Variants in FER observed in about 807,000 individuals in gnomAD.
FER encodes the protein tyrosine-protein kinase Fer.
In FER, 63 loss-of-function variants were observed where a neutral mutation model predicts 111.0. That is an observed-to-expected ratio of 0.57 (90% CI 0.46 to 0.70). The LOEUF (loss-of-function observed/expected upper bound fraction) is 0.70. Ranked by LOEUF, FER falls within the 30% of genes least tolerant of loss-of-function variation. The pLI, the probability that FER is intolerant of heterozygous loss-of-function variation, is 0.00. For synonymous variants in FER, 327 were observed against 313.9 expected, an observed-to-expected ratio of 1.04 and a Z score of -0.44; for missense variants, 914 against 954.0, an observed-to-expected ratio of 0.96 and a Z score of 0.55.
chr5:108,755,989 TA>T (rs1235152620), intron 1 of FER, among the ~76,000 whole-genome samples: 4 of 149,370 alleles, frequency 2.7e-5, no homozygotes, highest in African/African-American at 9.8e-5. Flanking sequence ...CTGTCTTTAC[TA>T]AAAAAATACA....
chr5:108,955,279 A>G (rs2149656399), intron 12 of FER, among the ~76,000 whole-genome samples: 1 of 151,906 alleles, frequency 6.6e-6, no homozygotes, highest in East Asian at 1.9e-4. Context: ...AAGTTTATGA[A>G]ACTTATACTT....
At chr5:108,755,203 A>G (rs1333137845) in intron 1 of FER, among the ~76,000 whole-genome samples, 1 of 152,220 alleles carries the variant, frequency 6.6e-6, no homozygotes. Flanking sequence ...TGCCCCTTGT[A>G]TCCTATAGTT....
At chr5:108,753,998 G>A (rs1034199396) in intron 1 of FER, among the ~76,000 whole-genome samples, 3 of 152,074 alleles carry the variant, frequency 2.0e-5, no homozygotes, top group Non-Finnish European at 2.9e-5. Context: ...TCTAGCATGC[G>A]AGCTCTAATT....
chr5:109,050,167 C>G (rs1054673281), intron 16 of FER, among the ~76,000 whole-genome samples: 10 of 151,786 alleles, frequency 6.6e-5, no homozygotes, highest in Non-Finnish European at 8.8e-5. Context: ...AAAGGAAATT[C>G]ATTTCAGTAA....
At chr5:108,822,338 A>G (rs192533961) in intron 3 of FER, among the ~76,000 whole-genome samples, 50 of 152,336 alleles carry the variant, frequency 3.3e-4, no homozygotes, top group African/African-American at 1.2e-3. Flanking sequence ...TTCTGTTGGT[A>G]TAATAGAATT....
At chr5:108,798,057 C>CTT (rs11406674) in intron 2 of FER, 67 bp from the exon 3 acceptor site, 8,003 of 479,826 alleles carry the variant, frequency 0.017, 91 homozygotes, top group African/African-American at 0.068. Flanking sequence ...TCTATCATAA[C>CTT]TTTTTTTTTT....
At chr5:109,149,945 G>A (rs1447304631) in intron 17 of FER, among the ~76,000 whole-genome samples, 2 of 152,158 alleles carry the variant, frequency 1.3e-5, no homozygotes, top group African/African-American at 4.8e-5. Context: ...TGTCAAATCA[G>A]CAACGCATTA....
intron 17 of FER, among the ~76,000 whole-genome samples, chr5:109,135,849 C>T (rs116169183): frequency 0.017 from 2,655 of 152,218 alleles, 52 homozygotes; most frequent in Non-Finnish European, 0.022. Context: ...TAATAACCAG[C>T]GCTCAAAAAC....
intron 17 of FER, among the ~76,000 whole-genome samples, chr5:109,173,275 C>G (rs1561989867): frequency 6.6e-6 from 1 of 152,168 alleles, no homozygotes; most frequent in Admixed American, 6.5e-5. Context: ...CTGTGTCAGG[C>G]AACAACTTGG....
At chr5:108,992,832 G>C (rs574458144) in intron 13 of FER, among the ~76,000 whole-genome samples, 1 of 149,624 alleles carries the variant, frequency 6.7e-6, no homozygotes, top group Non-Finnish European at 1.5e-5. Context: ...CAGGGCGGCC[G>C]GGCAGAGACA....
At chr5:109,105,942 GCGGT>G (rs1207785623) in intron 17 of FER, among the ~76,000 whole-genome samples, 2 of 152,184 alleles carry the variant, frequency 1.3e-5, no homozygotes, top group Non-Finnish European at 2.9e-5. Context: ...CAAAACAATA[GCGGT>G]ACTATTGTTT....
At chr5:108,864,106 C>G (rs1341083166) in intron 5 of FER, among the ~76,000 whole-genome samples, 1 of 152,148 alleles carries the variant, frequency 6.6e-6, no homozygotes, top group Non-Finnish European at 1.5e-5. Flanking sequence ...TTGTTAAAAA[C>G]TTGGACAGTT....
In FER at chr5:109,086,436, C is replaced by T. The variant is rs545809829; in HGVS notation, c.1925-13960C>T. Among the ~76,000 whole-genome samples, 9 of 151,688 alleles carry T rather than the reference C, an allele frequency of 5.9e-5. No homozygotes were observed. In the South Asian group the frequency reaches 1.0e-3, roughly 18 times the overall value. On this transcript the variant is annotated intron_variant, in intron 16 of 19. Transcript: ENST00000281092. ...CTTTTTTGGTGGGTTGTGGGAATGG[C>T]GGAGAACAGTCTTCCTAGGTGTTTA...
At chr5:109,128,881 TAAAG>T (rs1302794741) in intron 17 of FER, among the ~76,000 whole-genome samples, 3 of 151,844 alleles carry the variant, frequency 2.0e-5, no homozygotes, top group African/African-American at 4.8e-5. Flanking sequence ...CATTGTAAAA[TAAAG>T]AAGGATGAAA....
chr5:108,974,132 A>T (rs1339601926), intron 13 of FER, among the ~76,000 whole-genome samples: 1 of 152,174 alleles, frequency 6.6e-6, no homozygotes, highest in East Asian at 1.9e-4. Flanking sequence ...TTAGTATATC[A>T]TAGAAATTAT....
At chr5:109,144,340 G>C (rs1364938024) in intron 17 of FER, among the ~76,000 whole-genome samples, 1 of 152,014 alleles carries the variant, frequency 6.6e-6, no homozygotes, top group African/African-American at 2.4e-5. Context: ...GTCAGTGAAC[G>C]TGCATTCTGG....
chr5:108,878,471 T>C (rs1434527059), intron 8 of FER, among the ~76,000 whole-genome samples: 1 of 152,112 alleles, frequency 6.6e-6, no homozygotes, highest in Admixed American at 6.5e-5. Context: ...GCATATTCCT[T>C]AGCATCATCT....
chr5:108,832,456 A>G (rs553705898), intron 3 of FER, among the ~76,000 whole-genome samples: 1 of 152,296 alleles, frequency 6.6e-6, no homozygotes, highest in South Asian at 2.1e-4. Flanking sequence ...GCAGAGCAGT[A>G]TTTCAGTGTG....
At chr5:108,765,036 A>T (rs113943762) in intron 1 of FER, among the ~76,000 whole-genome samples, 201 of 152,310 alleles carry the variant, frequency 1.3e-3, no homozygotes, top group African/African-American at 4.3e-3. Flanking sequence ...GGGAATAGGA[A>T]CTATTTTTTG....
Sources: allele counts gnomAD v4.1 joint callset (sites outside exome capture counted in the v4.1 genomes callset), GRCh38; gene constraint gnomAD v4.1.1; transcripts MANE v1.5; gene names NCBI Gene and HGNC (gene_info 2026-07-23, HGNC 2026-07-21).